Variants in GPC1 observed in about 807,000 individuals in gnomAD.
The protein encoded by GPC1 is glypican 1.
A neutral mutation model predicts 51.5 loss-of-function variants in GPC1; 26 were observed. The observed-to-expected ratio is 0.50, with a 90% CI of 0.37 to 0.70. The LOEUF (loss-of-function observed/expected upper bound fraction) is 0.70. Ranked by LOEUF, GPC1 falls within the 30% of genes least tolerant of loss-of-function variation. The pLI is 0.00. For synonymous variants in GPC1, 380 were observed against 348.3 expected (o/e 1.09, Z -1.01); for missense variants, 775 against 800.5 (o/e 0.97, Z 0.38).
In GPC1 at chr2:240,457,121, C is replaced by T. The variant is rs1332823619; in HGVS notation, c.167-1909C>T. Among the ~76,000 whole-genome samples the T allele has an allele frequency of 2.0e-5, 3 of 152,160 alleles. No homozygotes were observed. In the East Asian group the frequency reaches 5.8e-4, roughly 29 times the overall value. On this transcript the variant is annotated intron_variant, in intron 1 of 8. Transcript: ENST00000264039. ...ATGTAAGTCCAGGCCCTGGGGAATC[C>T]CTGGACCTGCAGCCCCTGCGGAGGA...
At chr2:240,460,020 G>T (rs2074203545) in intron 2 of GPC1, among the ~76,000 whole-genome samples, 1 of 152,096 alleles carries the variant, frequency 6.6e-6, no homozygotes, top group Admixed American at 6.5e-5. Flanking sequence ...TGGCTGTGAG[G>T]GACGGCAGCT....
chr2:240,453,607 C>T (rs1428453727), intron 1 of GPC1, among the ~76,000 whole-genome samples: 1 of 143,890 alleles, frequency 6.9e-6, no homozygotes, highest in Non-Finnish European at 1.5e-5. Flanking sequence ...ATCGCGGCGC[C>T]CCCCTCCCCT....
intron 1 of GPC1, among the ~76,000 whole-genome samples, chr2:240,441,100 G>C (rs1337699684): frequency 1.3e-5 from 2 of 152,280 alleles, no homozygotes; most frequent in African/African-American, 4.8e-5. Flanking sequence ...GCAATCTCTA[G>C]GGACAGTGTG....
At chr2:240,441,187 G>C (rs1323976314) in intron 1 of GPC1, among the ~76,000 whole-genome samples, 1 of 152,264 alleles carries the variant, frequency 6.6e-6, no homozygotes, top group Non-Finnish European at 1.5e-5. Context: ...CTACCTGGTG[G>C]CCGAACCGCA....
rs1479319030 is a variant in GPC1, at chr2:240,462,429, C to T, written c.564C>T (p.Tyr188=). The change falls in exon 3 of 9, where the codon TAC becomes TAT. Residue 188 remains tyrosine, a synonymous_variant. Transcript: ENST00000264039. ...CCCAGCTGCTGCTGCCTGATGACTACCTGGACTGCCTGGGCAAGCAGGCCG... is the reference window on the plus strand; with the variant it reads ...CCCAGCTGCTGCTGCCTGATGACTATCTGGACTGCCTGGGCAAGCAGGCCG... ...LHPQLLLPDD[Y]LDCLGKQAEA... 1.9e-6 allele frequency: 3 copies of T among 1,605,702 alleles called. No individual in the cohort carries two copies. Among genetic ancestry groups the T allele is most frequent in the Non-Finnish European group, 2.5e-6 (3 of 1,176,812 alleles).
chr2:240,466,107 C>G lies in GPC1; in HGVS notation c.1494C>G (p.Leu498=), dbSNP rs1333403376. Residue 498 remains leucine, a synonymous_variant, in exon 9 of 9, where the codon CTC becomes CTG. Coordinates refer to ENST00000264039, the MANE Select transcript of GPC1 (RefSeq NM_002081.3). ...GCGGTGATGGCTGTCTGGATGACCTCTGCAGCCGGAAGGTCAGCAGGAAGA... is the reference window on the plus strand; with the variant it reads ...GCGGTGATGGCTGTCTGGATGACCTGTGCAGCCGGAAGGTCAGCAGGAAGA... ...SGSGDGCLDD[L]CSRKVSRKSS... is the part of the protein sequence containing the mutation. 1 of 1,612,656 alleles carries G rather than the reference C, an allele frequency of 6.2e-7. No homozygotes were observed. Among genetic ancestry groups the G allele is most frequent in the Admixed American group, 1.7e-5 (1 of 59,990 alleles).
rs1398002577 is a variant in GPC1 at position 240,448,237 on chromosome 2, A to G, written c.167-10793A>G. On this transcript the variant is annotated intron_variant, in intron 1 of 8. Coordinates refer to ENST00000264039, the MANE Select transcript of GPC1 (RefSeq NM_002081.3). This position sits in a 1 kb window ranked among gnomAD's most constrained non-coding sequence, Gnocchi z 4.5. ...CTCATAGGGGCCTCTCCCTTCCCCTACGGGATGGGGCTGGTTCGTTCCCCC... is the reference window on the plus strand; with the variant it reads ...CTCATAGGGGCCTCTCCCTTCCCCTGCGGGATGGGGCTGGTTCGTTCCCCC... Among the ~76,000 whole-genome samples, 1 of 152,016 alleles carries G rather than the reference A, an allele frequency of 6.6e-6. No homozygotes were observed. Among genetic ancestry groups the G allele is most frequent in the Non-Finnish European group, 1.5e-5 (1 of 67,970 alleles).
At chr2:240,441,786 G>A (rs536198668) in intron 1 of GPC1, among the ~76,000 whole-genome samples, 1 of 152,306 alleles carries the variant, frequency 6.6e-6, no homozygotes, top group East Asian at 1.9e-4. Flanking sequence ...TTGAGGCTTG[G>A]GCCAGGGAAG....
In GPC1 at chr2:240,464,496, T is replaced by C. The variant is rs2151797061; in HGVS notation, c.884-120T>C. On this transcript the variant is annotated intron_variant, in intron 4 of 8. Transcript: ENST00000264039. ...CTGAGTGCACACGTGGGATCTCCCA[T>C]GCTGACCCGTGCTGTCAAGACTGCA... is the stretch of plus-strand genomic sequence containing the variant. The C allele has an allele frequency of 2.2e-6, 3 of 1,354,136 alleles. 1 individual carries two copies. The highest frequency in any genetic ancestry group is 2.4e-5 in the South Asian group (2 of 82,860). The allele number at this position is 1,354,136 out of a possible 1,614,324, so 83.9% of individuals were successfully genotyped here. A position where few individuals can be genotyped will look rare whatever the true frequency, so the allele number is the denominator to read the frequency against.
intron 1 of GPC1, among the ~76,000 whole-genome samples, chr2:240,456,240 G>C (rs886513030): frequency 6.6e-6 from 1 of 152,138 alleles, no homozygotes; most frequent in East Asian, 1.9e-4. Flanking sequence ...ACCTGCAGGT[G>C]GGGGGAGCTC....
intron 1 of GPC1, chr2:240,451,549 G>C (rs915049732): frequency 7.0e-5 from 20 of 287,168 alleles, no homozygotes; most frequent in African/African-American, 4.3e-4. Flanking sequence ...AGCCAAGGAG[G>C]AGAAAGGCTG....
chr2:240,448,194 C>T lies in GPC1; in HGVS notation c.167-10836C>T, dbSNP rs979901481. On this transcript the variant is annotated intron_variant, in intron 1 of 8. Coordinates refer to ENST00000264039, the MANE Select transcript of GPC1 (RefSeq NM_002081.3). The surrounding 1 kb of genome is among the most constrained non-coding windows in gnomAD (Gnocchi z 4.5). ...CAGGAAGGGCAGGAGATGCTGGCCC[C>T]GGGTCTGGACAGCTGCCCTCATAGG... is the stretch of plus-strand genomic sequence containing the variant. Among the ~76,000 whole-genome samples the T allele has an allele frequency of 3.9e-5, 6 of 152,266 alleles. No homozygotes were observed. Among genetic ancestry groups the T allele is most frequent in the African/African-American group, 1.2e-4 (5 of 41,562 alleles).
At chr2:240,465,437 G>C (rs370845517) in intron 7 of GPC1, 36 bp from the exon 8 acceptor site, 76 of 1,600,062 alleles carry the variant, frequency 4.7e-5, no homozygotes, top group Non-Finnish European at 6.3e-5. Context: ...GCAGGGGCTG[G>C]AGCAGTGACC....
At chr2:240,442,721 G>T (rs551949437) in intron 1 of GPC1, among the ~76,000 whole-genome samples, 1 of 152,350 alleles carries the variant, frequency 6.6e-6, no homozygotes, top group African/African-American at 2.4e-5. Flanking sequence ...GTACAGTTTA[G>T]CCTGTAGTGG....
intron 1 of GPC1, chr2:240,442,426 G>C (rs1310944254): frequency 6.6e-6 from 1 of 152,300 alleles, no homozygotes; most frequent in Non-Finnish European, 1.5e-5. Flanking sequence ...CTGAGATCAA[G>C]TGTGCGTCCA....
Position 240,459,080 on chromosome 2 carries a change from A to G in GPC1, c.217A>G (p.Met73Val). Residue 73 changes from methionine (M) to valine (V), a missense_variant, in exon 2 of 9, where the codon ATG becomes GTG. By Grantham distance (21) the Met-to-Val change is conservative. Coordinates refer to ENST00000264039, the MANE Select transcript of GPC1 (RefSeq NM_002081.3). ...GGGCTACACCTGCTGCACCAGCGAG[A>G]TGGAGGAGAACCTGGCCAACCGCAG... ...PQGYTCCTSE[M>V]EENLANRSHA... 6.2e-7 allele frequency: 1 copy of G among 1,612,838 alleles called. No individual in the cohort carries two copies.
chr2:240,445,363 GGGGGTGCTC>G (rs2074042481), intron 1 of GPC1, among the ~76,000 whole-genome samples: 3 of 152,318 alleles, frequency 2.0e-5, no homozygotes, highest in African/African-American at 7.2e-5. Flanking sequence ...ATTGAGGAGT[GGGGGTGCTC>G]TGGTGTTTAG....
At chr2:240,453,743 TC>T (rs1297861117) in intron 1 of GPC1, among the ~76,000 whole-genome samples, 1 of 150,668 alleles carries the variant, frequency 6.6e-6, no homozygotes, top group African/African-American at 2.4e-5. Context: ...GCGCACCCGC[TC>T]CGGCTGCGCG....
chr2:240,440,869 C>T (rs2074012817), intron 1 of GPC1, among the ~76,000 whole-genome samples: 1 of 152,272 alleles, frequency 6.6e-6, no homozygotes. Flanking sequence ...TGGGCCTCAC[C>T]CTCCGGCCTG....
Sources: gnomAD v4.1 joint callset for allele counts (sites outside exome capture counted in the v4.1 genomes callset) on GRCh38, gnomAD v4.1.1 for gene constraint, Gnocchi (gnomAD v3.1) non-coding constraint, MANE v1.5 for transcripts, NCBI Gene and HGNC (gene_info 2026-07-23, HGNC 2026-07-21) for gene names.